CNTN5: variants seen among roughly 807,000 people sequenced by gnomAD.
CNTN5 encodes the protein contactin-5.
In CNTN5, 77 loss-of-function variants were observed where a neutral mutation model predicts 129.1. That is an observed-to-expected ratio of 0.60 (90% confidence interval 0.50 to 0.72). The LOEUF is 0.72. Among genes scored for constraint, CNTN5 ranks in the 30% least tolerant of loss-of-function variants. The pLI, the probability that CNTN5 is intolerant of heterozygous loss-of-function variation, is 0.00. For missense variants in CNTN5, 1,478 were observed against 1,328.8 expected, an observed-to-expected ratio of 1.11 and a Z score of -1.75; for synonymous variants, 509 against 465.6, an observed-to-expected ratio of 1.09 and a Z score of -1.20.
intron 8 of CNTN5, among the ~76,000 whole-genome samples, chr11:99,979,772 T>A (rs1289036361): frequency 2.0e-5 from 3 of 152,200 alleles, no homozygotes; most frequent in South Asian, 2.1e-4. Flanking sequence ...GAAAAATGTC[T>A]TTGGATCCAA....
In CNTN5 at chr11:99,714,839, C is replaced by T. The variant is rs1052737363; in HGVS notation, c.56-104705C>T. Among the ~76,000 whole-genome samples the T allele has an allele frequency of 1.2e-3, 116 of 100,232 alleles. 2 individuals are homozygous for T. Among genetic ancestry groups the T allele is most frequent in the East Asian group, 1.2e-3 (4 of 3,256 alleles). 65.8% of individuals were successfully genotyped at this position (100,232 alleles called of 152,430 possible). ...TATCAAACCACTTAGCCTGTTTGAA[C>T]TTCAGCTCATGTGGAAAAAAAAAAA... On this transcript the variant is annotated intron_variant, in intron 3 of 24. Coordinates refer to ENST00000524871, the MANE Select transcript of CNTN5 (RefSeq NM_014361.4).
chr11:99,839,023 G>C (rs891270003), intron 4 of CNTN5, among the ~76,000 whole-genome samples: 1 of 152,084 alleles, frequency 6.6e-6, no homozygotes, highest in Non-Finnish European at 1.5e-5. Context: ...TTCTTCACAA[G>C]TAGGTTTGGA....
At chr11:99,792,293 G>T (rs986417508) in intron 3 of CNTN5, among the ~76,000 whole-genome samples, 3 of 152,094 alleles carry the variant, frequency 2.0e-5, no homozygotes, top group East Asian at 1.9e-4. Flanking sequence ...TTTCTTGAGA[G>T]TTTTTAATAG....
At chr11:99,309,953 C>T (rs1337497562) in intron 1 of CNTN5, among the ~76,000 whole-genome samples, 1 of 151,984 alleles carries the variant, frequency 6.6e-6, no homozygotes, top group Non-Finnish European at 1.5e-5. Context: ...GTGCAGAACA[C>T]AGATCAGCAG....
intron 13 of CNTN5, among the ~76,000 whole-genome samples, chr11:100,137,534 T>A: frequency 6.6e-6 from 1 of 152,262 alleles, no homozygotes; most frequent in African/African-American, 2.4e-5. Flanking sequence ...TTTTATCTGA[T>A]TAAATAGCTA....
intron 4 of CNTN5, among the ~76,000 whole-genome samples, chr11:99,832,496 TA>T (rs1375095564): frequency 6.6e-6 from 1 of 152,220 alleles, no homozygotes; most frequent in Non-Finnish European, 1.5e-5. Context: ...CATTCATCAA[TA>T]TGCTTGTTAA....
intron 2 of CNTN5, among the ~76,000 whole-genome samples, chr11:99,484,480 G>C (rs992673479): frequency 6.6e-6 from 1 of 152,092 alleles, no homozygotes; most frequent in Non-Finnish European, 1.5e-5. Flanking sequence ...AAATTCCTCA[G>C]AAAAACTATA....
At chr11:100,237,809 T>C (rs1429589323) in intron 16 of CNTN5, among the ~76,000 whole-genome samples, 6 of 152,218 alleles carry the variant, frequency 3.9e-5, no homozygotes, top group Non-Finnish European at 7.3e-5. Context: ...TCTGATTTCA[T>C]AGAACATTAC....
intron 3 of CNTN5, among the ~76,000 whole-genome samples, chr11:99,773,479 ATTTGTACTGTGTATGTAT>A (rs1300864572): frequency 1.3e-5 from 2 of 152,142 alleles, no homozygotes; most frequent in Middle Eastern, 3.4e-3. Flanking sequence ...TTTTAAGGTC[ATTTGTACTGTGTATGTAT>A]TTAAATACTA....
At position 99,367,244 on chromosome 11, in the gene CNTN5, C is replaced by T. The variant is rs1457300532; in HGVS notation, c.-71+41760C>T. Among the ~76,000 whole-genome samples, 5 of 152,080 alleles carry T rather than the reference C, an allele frequency of 3.3e-5. No individual in the cohort carries two copies. The East Asian group carries it at 9.6e-4, about 29-fold the overall frequency. ...GGCTGCTGTCAGTTCAGAACACTTT[C>T]AAACAATTCATAATTATGCTGGAAA... On this transcript the variant is annotated intron_variant, in intron 2 of 24. Transcript: ENST00000524871.
intron 3 of CNTN5, among the ~76,000 whole-genome samples, chr11:99,780,361 G>C (rs1185565164): frequency 6.6e-6 from 1 of 152,074 alleles, no homozygotes; most frequent in African/African-American, 2.4e-5. Flanking sequence ...TTAATTATCA[G>C]TATAGAAGAT....
intron 7 of CNTN5, among the ~76,000 whole-genome samples, chr11:99,922,323 T>C (rs937249683): frequency 1.3e-5 from 2 of 152,072 alleles, no homozygotes; most frequent in East Asian, 3.9e-4. Flanking sequence ...CCACAACACG[T>C]AGGGATTATG....
intron 24 of CNTN5, among the ~76,000 whole-genome samples, chr11:100,354,296 T>C (rs1565447679): frequency 6.6e-6 from 1 of 151,804 alleles, no homozygotes; most frequent in East Asian, 1.9e-4. Context: ...ACTCCTGATG[T>C]TAGTATCTAA....
chr11:100,351,657 T>TAAAAAAAAAAAAAAA (rs60798966), intron 24 of CNTN5, among the ~76,000 whole-genome samples: 1 of 103,650 alleles, frequency 9.6e-6, no homozygotes. Flanking sequence ...GTAGAGATAG[T>TAAAAAAAAAAAAAAA]AAAAAAAAAA....
At chr11:99,710,567 ATGTGTG>A (rs71050018) in intron 3 of CNTN5, among the ~76,000 whole-genome samples, 30,145 of 140,262 alleles carry the variant, frequency 0.21, 3,237 homozygotes, top group East Asian at 0.32. Flanking sequence ...GTGTGTGTGC[ATGTGTG>A]TGTGTGTGTG....
intron 8 of CNTN5, among the ~76,000 whole-genome samples, chr11:99,990,360 C>T (rs1938986058): frequency 6.6e-6 from 1 of 150,586 alleles, no homozygotes; most frequent in African/African-American, 2.5e-5. Context: ...TATTGGCTTC[C>T]CTTATTTTTA....
chr11:100,087,623 A>G (rs7932255), intron 13 of CNTN5, among the ~76,000 whole-genome samples: 129 of 152,048 alleles, frequency 8.5e-4, no homozygotes, highest in African/African-American at 2.9e-3. Flanking sequence ...AGAGAACCCA[A>G]ATTCATAAAG....
chr11:99,389,744 G>A (rs1015155329), intron 2 of CNTN5, among the ~76,000 whole-genome samples: 2 of 152,142 alleles, frequency 1.3e-5, no homozygotes, highest in African/African-American at 4.8e-5. Flanking sequence ...CAAATAAGAA[G>A]CTGGAATTTT....
intron 2 of CNTN5, among the ~76,000 whole-genome samples, chr11:99,549,131 T>C (rs995029386): frequency 2.6e-4 from 39 of 151,844 alleles, no homozygotes; most frequent in African/African-American, 8.9e-4. Context: ...GCCTGAAAAG[T>C]CAAATATCTG....
Sources: gnomAD v4.1 joint callset for allele counts (sites outside exome capture counted in the v4.1 genomes callset) on GRCh38, gnomAD v4.1.1 for gene constraint, MANE v1.5 for transcripts, NCBI Gene and HGNC (gene_info 2026-07-23, HGNC 2026-07-21) for gene names.